The following SKIC3 variants were observed in gnomAD, a reference collection of about 807,000 sequenced individuals.
SKIC3 encodes the protein superkiller complex protein 3.
chr5:95,509,613 C>T, the SKIC3 span: 1 of 1,613,222 alleles, frequency 6.2e-7, no homozygotes, highest in South Asian at 1.1e-5. Flanking sequence ...GCATTTGCTG[C>T]TTCCTTTTTC....
chr5:95,494,701 C>T, the SKIC3 span: 2 of 1,613,542 alleles, frequency 1.2e-6, no homozygotes, highest in Admixed American at 3.3e-5. Context: ...GGAGAGCTGC[C>T]TTCTGAATGG....
At chr5:95,500,446 G>A in the SKIC3 span, among the ~76,000 whole-genome samples, 2 of 152,210 alleles carry the variant, frequency 1.3e-5, no homozygotes, top group South Asian at 2.1e-4. Flanking sequence ...CATACAAATC[G>A]TTAGTTCCTT....
At chr5:95,529,163 C>G in the SKIC3 span, 1 of 1,379,838 alleles carries the variant, frequency 7.2e-7, no homozygotes, top group African/African-American at 1.4e-5. Flanking sequence ...ATGAACAGCA[C>G]CAATGCCTAC....
the SKIC3 span, chr5:95,542,026 T>C: frequency 1.4e-6 from 1 of 712,070 alleles, no homozygotes. Flanking sequence ...AGGATTATTA[T>C]AATTTACAAA....
chr5:95,487,588 A>G, the SKIC3 span, among the ~76,000 whole-genome samples: 2 of 152,196 alleles, frequency 1.3e-5, no homozygotes, highest in Non-Finnish European at 2.9e-5. Context: ...CACAAATATC[A>G]CTGATGCTGT....
chr5:95,494,964 C>A, the SKIC3 span: 1 of 1,613,568 alleles, frequency 6.2e-7, no homozygotes, highest in Non-Finnish European at 8.5e-7. Context: ...ACAAACTAAC[C>A]TTTCCATGAT....
the SKIC3 span, among the ~76,000 whole-genome samples, chr5:95,489,205 G>A: frequency 6.6e-6 from 1 of 151,920 alleles, no homozygotes. Flanking sequence ...TTGGGAGGCG[G>A]AGGCAGGAGT....
the SKIC3 span, among the ~76,000 whole-genome samples, chr5:95,505,791 C>T: frequency 1.1e-4 from 16 of 149,458 alleles, no homozygotes; most frequent in East Asian, 3.0e-3. Context: ...CCAGCTTGGG[C>T]AACAGCGCGA....
chr5:95,528,262 C>A, the SKIC3 span: 1 of 1,319,790 alleles, frequency 7.6e-7, no homozygotes, highest in Non-Finnish European at 1.1e-6. Flanking sequence ...CATAAATTTC[C>A]AAAACAATAT....
the SKIC3 span, among the ~76,000 whole-genome samples, chr5:95,481,266 G>A: frequency 6.6e-6 from 1 of 152,004 alleles, no homozygotes; most frequent in African/African-American, 2.4e-5. Context: ...AATCATGAGG[G>A]GAGGTCTTTC....
At chr5:95,523,190 A>C in the SKIC3 span, 2 of 1,613,608 alleles carry the variant, frequency 1.2e-6, no homozygotes, top group Non-Finnish European at 1.7e-6. Flanking sequence ...TAAATACAAT[A>C]AGGTGCCTTA....
the SKIC3 span, among the ~76,000 whole-genome samples, chr5:95,539,843 C>CAAAAAAAAAAAAAAAA: frequency 1.9e-5 from 2 of 107,694 alleles, no homozygotes; most frequent in African/African-American, 3.6e-5. Context: ...CACTCTGCCT[C>CAAAAAAAAAAAAAAAA]AAAAAAAAAA....
the SKIC3 span, chr5:95,512,593 T>C: frequency 6.2e-7 from 1 of 1,613,994 alleles, no homozygotes; most frequent in Non-Finnish European, 8.5e-7. Flanking sequence ...GCAGACCCAA[T>C]ACGCATAACC....
chr5:95,479,114 A>C, the SKIC3 span, among the ~76,000 whole-genome samples: 1 of 152,292 alleles, frequency 6.6e-6, no homozygotes, highest in South Asian at 2.1e-4. Flanking sequence ...AAAACCTTTC[A>C]AAGAATAAGT....
At chr5:95,465,644 A>G in the SKIC3 span, among the ~76,000 whole-genome samples, 1 of 152,214 alleles carries the variant, frequency 6.6e-6, no homozygotes, top group Admixed American at 6.5e-5. Context: ...TACGGCAAAC[A>G]GCATGAACAT....
chr5:95,498,679 G>T, the SKIC3 span: 3 of 1,233,752 alleles, frequency 2.4e-6, no homozygotes, highest in Non-Finnish European at 3.4e-6. Flanking sequence ...AGGCTGGAGT[G>T]CAGTGGCACC....
At chr5:95,511,880 C>T in the SKIC3 span, among the ~76,000 whole-genome samples, 1 of 152,152 alleles carries the variant, frequency 6.6e-6, no homozygotes, top group Non-Finnish European at 1.5e-5. Context: ...GAGATTAAAA[C>T]CCAATGGTAG....
At chr5:95,543,451 AT>A in the SKIC3 span, 1 of 1,084,136 alleles carries the variant, frequency 9.2e-7, no homozygotes. Flanking sequence ...AAACTTCAGA[AT>A]GCCATTTAAC....
the SKIC3 span, among the ~76,000 whole-genome samples, chr5:95,521,745 GA>G: frequency 6.6e-6 from 1 of 152,064 alleles, no homozygotes; most frequent in African/African-American, 2.4e-5. Context: ...GAGACATGAT[GA>G]ATTAATTATC....
Sources: gnomAD v4.1 joint callset for allele counts (sites outside exome capture counted in the v4.1 genomes callset) on GRCh38, gnomAD v4.1.1 for gene constraint, MANE v1.5 for transcripts, NCBI Gene and HGNC (gene_info 2026-07-23, HGNC 2026-07-21) for gene names.